PTPRD: variants seen among roughly 807,000 people sequenced by gnomAD.
PTPRD encodes receptor-type tyrosine-protein phosphatase delta.
A neutral mutation model predicts 214.5 loss-of-function variants in PTPRD; 34 were observed. The ratio of observed to expected loss-of-function variants is 0.16; its 90% CI spans 0.12 to 0.21. The LOEUF is 0.21. PTPRD is among the 10% of genes least tolerant of loss of function. The probability of loss-of-function intolerance (pLI) is 1.00; values close to 1 mark genes in which losing one functional copy is unlikely to be tolerated. For synonymous variants in PTPRD, 1,128 were observed against 845.7 expected, an observed-to-expected ratio of 1.33 and a Z score of -5.79; for missense variants, 2,545 against 2,398.7, an observed-to-expected ratio of 1.06 and a Z score of -1.27.
At chr9:10,319,786 A>G (rs901217051) in intron 3 of PTPRD, among the ~76,000 whole-genome samples, 3 of 152,044 alleles carry the variant, frequency 2.0e-5, no homozygotes, top group Admixed American at 1.3e-4. Context: ...AGATCACGAG[A>G]GACAGCTAAA....
At chr9:9,279,005 T>C (rs1467441098) in intron 9 of PTPRD, among the ~76,000 whole-genome samples, 1 of 151,110 alleles carries the variant, frequency 6.6e-6, no homozygotes, top group African/African-American at 2.4e-5. Context: ...CAATAACCTG[T>C]CCGGAAAACT....
At chr9:10,191,689 G>A (rs990895746) in intron 3 of PTPRD, among the ~76,000 whole-genome samples, 5 of 152,170 alleles carry the variant, frequency 3.3e-5, no homozygotes, top group South Asian at 4.1e-4. Flanking sequence ...TGACCCTCTC[G>A]TTCCACTTCC....
chr9:10,462,391 A>T (rs1001228748), intron 2 of PTPRD, among the ~76,000 whole-genome samples: 9 of 152,176 alleles, frequency 5.9e-5, no homozygotes, highest in African/African-American at 1.9e-4. Context: ...TATGATCTAC[A>T]CTTAAATGAT....
intron 2 of PTPRD, among the ~76,000 whole-genome samples, chr9:10,529,966 G>C (rs992550164): frequency 3.3e-5 from 5 of 151,048 alleles, no homozygotes; most frequent in Non-Finnish European, 5.9e-5. Flanking sequence ...TGGTACTTAA[G>C]ACCTAGACGA....
At chr9:8,463,293 C>T (rs1469186162) in intron 32 of PTPRD, among the ~76,000 whole-genome samples, 1 of 108,866 alleles carries the variant, frequency 9.2e-6, no homozygotes, top group African/African-American at 3.7e-5. Context: ...TATGTCCAAG[C>T]TTCTCAGAGG....
At chr9:9,027,831 G>A (rs994739593) in intron 10 of PTPRD, among the ~76,000 whole-genome samples, 4 of 151,878 alleles carry the variant, frequency 2.6e-5, no homozygotes, top group African/African-American at 7.2e-5. Context: ...AAATTTTTAT[G>A]TTATTGAATC....
chr9:10,037,887 T>C lies in PTPRD; in HGVS notation c.-544-4097A>G, dbSNP rs144944148. Among the ~76,000 whole-genome samples, 14 of 152,228 alleles carry C rather than the reference T, an allele frequency of 9.2e-5. No homozygotes were observed. In the East Asian group the frequency reaches 1.4e-3, roughly 15 times the overall value. ...GCTCTTATAGGCTTTGCATCCTACA[T>C]AGTTATTATGTTCTTCATTTTATTT... On this transcript the variant is annotated intron_variant, in intron 3 of 45. Coordinates refer to ENST00000381196, the MANE Select transcript of PTPRD (RefSeq NM_002839.4).
At chr9:8,954,012 G>T (rs141004590) in intron 11 of PTPRD, among the ~76,000 whole-genome samples, 1 of 151,970 alleles carries the variant, frequency 6.6e-6, no homozygotes, top group African/African-American at 2.4e-5. Flanking sequence ...CAAAGTAAAA[G>T]AAATCATTCT....
chr9:8,820,368 AAG>A (rs1219575737), intron 11 of PTPRD, among the ~76,000 whole-genome samples: 1 of 152,132 alleles, frequency 6.6e-6, no homozygotes, highest in Non-Finnish European at 1.5e-5. Flanking sequence ...TAATATGAGG[AAG>A]AGAGTCTCTG....
chr9:9,834,469 C>A (rs1599159071), intron 5 of PTPRD, among the ~76,000 whole-genome samples: 1 of 152,106 alleles, frequency 6.6e-6, no homozygotes, highest in Admixed American at 6.6e-5. Flanking sequence ...GTTTTGCCCC[C>A]AAATTTGCCT....
At chr9:10,411,380 G>A (rs968113019) in intron 2 of PTPRD, among the ~76,000 whole-genome samples, 1 of 151,704 alleles carries the variant, frequency 6.6e-6, no homozygotes, top group Admixed American at 6.6e-5. Context: ...ATCATGAAAG[G>A]ATGCAACCAT....
At chr9:8,409,934 A>T (rs1477364005) in intron 35 of PTPRD, among the ~76,000 whole-genome samples, 1 of 152,190 alleles carries the variant, frequency 6.6e-6, no homozygotes, top group Non-Finnish European at 1.5e-5. Context: ...TTAACTTCCA[A>T]AGAAACAGTA....
At chr9:8,338,157 T>G (rs1337398532) in intron 43 of PTPRD, among the ~76,000 whole-genome samples, 1 of 152,132 alleles carries the variant, frequency 6.6e-6, no homozygotes, top group East Asian at 1.9e-4. Flanking sequence ...GGAGTTTTAT[T>G]CAACCCACCC....
chr9:9,881,798 T>C (rs1269074270), intron 5 of PTPRD, among the ~76,000 whole-genome samples: 1 of 152,068 alleles, frequency 6.6e-6, no homozygotes, highest in Non-Finnish European at 1.5e-5. Flanking sequence ...GGGATATCAG[T>C]AAAAATAAAA....
rs940915275 is a variant in PTPRD, at chr9:9,882,121, C to T, written c.-368+56386G>A. On this transcript the variant is annotated intron_variant, in intron 5 of 45. Coordinates refer to ENST00000381196, the MANE Select transcript of PTPRD (RefSeq NM_002839.4). ...ACCTGTATTTAATATTACATACTCA[C>T]ACAACTTTAATATTTATTGGTATAA... 1.1e-4 allele frequency among the ~76,000 whole-genome samples: 16 copies of T among 152,204 alleles called. No homozygotes were observed. In the South Asian group the frequency reaches 2.7e-3, roughly 26 times the overall value.
chr9:8,542,956 T>C (rs1038321456), intron 14 of PTPRD, among the ~76,000 whole-genome samples: 4 of 152,158 alleles, frequency 2.6e-5, no homozygotes, highest in Non-Finnish European at 4.4e-5. Flanking sequence ...GGGTAGTTTC[T>C]CCCTAGCCAG....
intron 9 of PTPRD, among the ~76,000 whole-genome samples, chr9:9,304,288 G>GA (rs1956399152): frequency 6.6e-6 from 1 of 152,068 alleles, no homozygotes; most frequent in African/African-American, 2.4e-5. Context: ...AGTCATAGGT[G>GA]AAAAATAAGT....
Position 9,816,766 on chromosome 9 carries a change from G to A in PTPRD, c.-367-49915C>T, listed in dbSNP as rs951033806. On this transcript the variant is annotated intron_variant, in intron 5 of 45. Coordinates refer to ENST00000381196, the MANE Select transcript of PTPRD (RefSeq NM_002839.4). ...ATCATCAATAAAAGTCATGCATAAG[G>A]TGCATTCCTTTAGTAATAGATAGTG... Among the ~76,000 whole-genome samples the A allele has an allele frequency of 3.3e-5, 5 of 151,932 alleles. No homozygotes were observed. In the East Asian group the frequency reaches 7.7e-4, roughly 23 times the overall value.
chr9:9,280,653 T>C (rs549126636), intron 9 of PTPRD, among the ~76,000 whole-genome samples: 3 of 151,464 alleles, frequency 2.0e-5, no homozygotes, highest in Admixed American at 1.3e-4. Context: ...TGGAAAGATA[T>C]TTCATGTTAA....
Sources: allele counts gnomAD v4.1 joint callset (sites outside exome capture counted in the v4.1 genomes callset), GRCh38; gene constraint gnomAD v4.1.1; transcripts MANE v1.5; gene names NCBI Gene and HGNC (gene_info 2026-07-23, HGNC 2026-07-21).